GPHN: variants seen among roughly 807,000 people sequenced by gnomAD.
GPHN encodes the protein gephyrin.
GPHN carries 17 observed loss-of-function variants against 95.5 expected under a neutral mutation model. That is an observed-to-expected ratio of 0.18 (90% CI 0.12 to 0.27). GPHN has a LOEUF of 0.27. GPHN is among the 10% of genes least tolerant of loss of function. GPHN has a pLI of 1.00. For synonymous variants in GPHN, 320 were observed against 322.5 expected (o/e 0.99, Z 0.08); for missense variants, 660 against 978.1 (o/e 0.67, Z 4.34).
chr14:66,570,971 G>A (rs1397590834), intron 1 of GPHN, among the ~76,000 whole-genome samples: 1 of 151,822 alleles, frequency 6.6e-6, no homozygotes, highest in Non-Finnish European at 1.5e-5. Flanking sequence ...TTATTTTCTT[G>A]CTCTTTAGTA....
chr14:66,847,105 C>T (rs2062372142), intron 4 of GPHN, among the ~76,000 whole-genome samples: 1 of 152,088 alleles, frequency 6.6e-6, no homozygotes, highest in African/African-American at 2.4e-5. Flanking sequence ...CACACTGATT[C>T]CTTTAGGATA....
intron 4 of GPHN, among the ~76,000 whole-genome samples, chr14:66,836,618 C>T (rs2061829775): frequency 7.1e-6 from 1 of 140,238 alleles, no homozygotes; most frequent in Non-Finnish European, 1.5e-5. Context: ...TAAAGAGCTT[C>T]TGCACAGCAA....
chr14:67,355,092 A>G, the GPHN span, among the ~76,000 whole-genome samples: 1 of 152,142 alleles, frequency 6.6e-6, no homozygotes, highest in South Asian at 2.1e-4. Context: ...GATTACAGGC[A>G]TGAGCCACCG....
chr14:67,529,764 A>G, the GPHN span, among the ~76,000 whole-genome samples: 1 of 152,148 alleles, frequency 6.6e-6, no homozygotes, highest in Non-Finnish European at 1.5e-5. Flanking sequence ...ATTGCTCCCA[A>G]AGATTCAGCA....
chr14:67,321,190 A>G, the GPHN span: 1 of 1,614,216 alleles, frequency 6.2e-7, no homozygotes, highest in African/African-American at 1.3e-5. Flanking sequence ...ATTTGTATGG[A>G]ACTAGCATAG....
chr14:67,522,189 A>AT, the GPHN span, among the ~76,000 whole-genome samples: 6 of 152,206 alleles, frequency 3.9e-5, no homozygotes, highest in Non-Finnish European at 8.8e-5. Flanking sequence ...AAACAAAAAA[A>AT]GAAAAAAAGG....
Position 66,776,627 on chromosome 14 carries a change from T to C in GPHN, c.201+106T>C, listed in dbSNP as rs2059391513. Reference sequence around the variant, plus strand: ...ATTGATATTTGGCTATGTTAGAATATTATTTAATTCTCAGTTATCATAGTG... The same window carrying C: ...ATTGATATTTGGCTATGTTAGAATACTATTTAATTCTCAGTTATCATAGTG... On this transcript the variant is annotated intron_variant, in intron 3 of 22. Coordinates refer to ENST00000478722, the MANE Select transcript of GPHN (RefSeq NM_020806.5). 6.4e-6 allele frequency: 5 copies of C among 777,672 alleles called. No homozygotes were observed. In the East Asian group the frequency reaches 1.2e-4, roughly 19 times the overall value. 48.2% of individuals were successfully genotyped at this position (777,672 alleles called of 1,614,324 possible).
At chr14:67,538,342 A>C in the GPHN span, among the ~76,000 whole-genome samples, 1 of 152,260 alleles carries the variant, frequency 6.6e-6, no homozygotes, top group Non-Finnish European at 1.5e-5. Context: ...GCTCTAAGCA[A>C]GTCACAGATG....
chr14:66,543,845 A>C (rs1446008270), intron 1 of GPHN, among the ~76,000 whole-genome samples: 1 of 152,198 alleles, frequency 6.6e-6, no homozygotes, highest in Non-Finnish European at 1.5e-5. Context: ...GGATTACTAT[A>C]GTAACCTCCT....
At chr14:67,713,194 G>A in the GPHN span, among the ~76,000 whole-genome samples, 1 of 151,550 alleles carries the variant, frequency 6.6e-6, no homozygotes, top group African/African-American at 2.4e-5. Flanking sequence ...CATACCTAGG[G>A]ATGGGTCTCA....
At chr14:67,113,293 T>G (rs1196429485) in intron 16 of GPHN, 122 bp downstream of exon 16, 1 of 917,132 alleles carries the variant, frequency 1.1e-6, no homozygotes, top group Non-Finnish European at 1.8e-6. Context: ...GGATCCACAT[T>G]CTTATAACAG....
At chr14:66,930,352 T>C (rs925256946) in intron 8 of GPHN, among the ~76,000 whole-genome samples, 10 of 152,104 alleles carry the variant, frequency 6.6e-5, no homozygotes, top group Non-Finnish European at 1.3e-4. Context: ...GCCTTGCAAA[T>C]ACTATCTTAT....
chr14:66,945,958 T>C (rs1006430740), intron 8 of GPHN, among the ~76,000 whole-genome samples: 7 of 152,168 alleles, frequency 4.6e-5, no homozygotes, highest in Non-Finnish European at 1.0e-4. Flanking sequence ...GATAGTTTTA[T>C]TTCTTTTTCT....
chr14:66,786,388 A>T (rs1453129934), intron 3 of GPHN, among the ~76,000 whole-genome samples: 8 of 152,112 alleles, frequency 5.3e-5, no homozygotes, highest in Non-Finnish European at 1.0e-4. Context: ...ACTTAAATTC[A>T]TAATGAAAAA....
chr14:66,566,580 C>T (rs1594999167), intron 1 of GPHN, among the ~76,000 whole-genome samples: 1 of 152,292 alleles, frequency 6.6e-6, no homozygotes, highest in East Asian at 1.9e-4. Flanking sequence ...TTTAACCCCA[C>T]TAGACTTGAG....
chr14:66,947,709 G>A (rs1280649779), intron 8 of GPHN, among the ~76,000 whole-genome samples: 2 of 152,176 alleles, frequency 1.3e-5, no homozygotes, highest in Non-Finnish European at 2.9e-5. Flanking sequence ...TGTAATCTCA[G>A]CCACTCGGGA....
At chr14:67,323,882 T>C in the GPHN span, 1 of 802,942 alleles carries the variant, frequency 1.2e-6, no homozygotes, top group Non-Finnish European at 2.0e-6. Context: ...TAATTTGTCC[T>C]GGTGCTTAAA....
At chr14:67,624,464 G>A in the GPHN span, among the ~76,000 whole-genome samples, 2 of 152,172 alleles carry the variant, frequency 1.3e-5, no homozygotes, top group Non-Finnish European at 2.9e-5. Context: ...TTCTGCTTCT[G>A]GGGAGGCCCC....
chr14:67,048,532 A>G (rs2075144973), intron 10 of GPHN, among the ~76,000 whole-genome samples: 2 of 152,226 alleles, frequency 1.3e-5, no homozygotes, highest in South Asian at 4.1e-4. Flanking sequence ...GAATGCTGTC[A>G]GTTTAGATGT....
Sources: allele counts gnomAD v4.1 joint callset (sites outside exome capture counted in the v4.1 genomes callset), GRCh38; gene constraint gnomAD v4.1.1; transcripts MANE v1.5; gene names NCBI Gene and HGNC (gene_info 2026-07-23, HGNC 2026-07-21).